The following TBC1D22A variants were observed in gnomAD, a reference collection of about 807,000 sequenced individuals.
The protein encoded by TBC1D22A is TBC1 domain family member 22A.
TBC1D22A carries 38 observed loss-of-function variants against 60.2 expected under a neutral mutation model. The ratio of observed to expected loss-of-function variants is 0.63; its 90% CI spans 0.49 to 0.83. TBC1D22A has a LOEUF of 0.83. TBC1D22A is among the 40% of genes least tolerant of loss of function. The pLI, the probability that TBC1D22A is intolerant of heterozygous loss-of-function variation, is 0.00. For missense variants in TBC1D22A, 628 were observed against 701.0 expected, an observed-to-expected ratio of 0.90 and a Z score of 1.18; for synonymous variants, 302 against 281.7, an observed-to-expected ratio of 1.07 and a Z score of -0.72.
intron 11 of TBC1D22A, among the ~76,000 whole-genome samples, chr22:47,094,353 G>A (rs905836238): frequency 1.3e-5 from 2 of 152,216 alleles, no homozygotes; most frequent in Admixed American, 6.5e-5. Context: ...TGCATAAAGC[G>A]AAGGGTGACC....
intron 12 of TBC1D22A, among the ~76,000 whole-genome samples, chr22:47,130,284 A>G (rs1444531958): frequency 6.6e-6 from 1 of 152,086 alleles, no homozygotes; most frequent in Non-Finnish European, 1.5e-5. Context: ...TCTGGGACCC[A>G]TCCCTTCTAG....
At position 47,133,752 on chromosome 22, in the gene TBC1D22A, C is replaced by A. The variant is rs138154399; in HGVS notation, c.1425+22149C>A. Among the ~76,000 whole-genome samples the A allele has an allele frequency of 1.4e-4, 21 of 152,288 alleles. No individual in the cohort carries two copies. The East Asian group carries it at 3.1e-3, about 22-fold the overall frequency. On this transcript the variant is annotated intron_variant, in intron 12 of 12. Coordinates refer to ENST00000337137, the MANE Select transcript of TBC1D22A (RefSeq NM_014346.5). ...TTTGGCGGTGACACTTGTGGTGTGG[C>A]CCTGTGCCTGCGCGAGGCAGCTTTG...
intron 12 of TBC1D22A, among the ~76,000 whole-genome samples, chr22:47,121,671 A>G (rs1161046455): frequency 2.6e-5 from 4 of 152,158 alleles, no homozygotes; most frequent in Non-Finnish European, 5.9e-5. Flanking sequence ...CTTAGTTTTC[A>G]TTAGTAGAGT....
chr22:46,838,662 C>T (rs1288401875), intron 4 of TBC1D22A, among the ~76,000 whole-genome samples: 1 of 152,164 alleles, frequency 6.6e-6, no homozygotes, highest in Non-Finnish European at 1.5e-5. Flanking sequence ...AAGCTCTCAT[C>T]AAAATACTAG....
chr22:46,833,746 G>A (rs2086405173), intron 4 of TBC1D22A, among the ~76,000 whole-genome samples: 1 of 152,216 alleles, frequency 6.6e-6, no homozygotes, highest in African/African-American at 2.4e-5. Flanking sequence ...GAGTAAAGTT[G>A]TGAAGGTGGT....
chr22:47,091,314 GC>G (rs1603257912), intron 11 of TBC1D22A, among the ~76,000 whole-genome samples: 49 of 100,156 alleles, frequency 4.9e-4, no homozygotes, highest in African/African-American at 6.6e-4. Flanking sequence ...TTGGGTGGCT[GC>G]GTGTTGATAG....
chr22:46,947,619 C>T (rs959253181), intron 8 of TBC1D22A, among the ~76,000 whole-genome samples: 1 of 152,170 alleles, frequency 6.6e-6, no homozygotes, highest in Non-Finnish European at 1.5e-5. Flanking sequence ...GTGTTGTGTT[C>T]GTCTGTGTTG....
At chr22:46,955,366 G>A (rs1443831191) in intron 8 of TBC1D22A, among the ~76,000 whole-genome samples, 3 of 152,160 alleles carry the variant, frequency 2.0e-5, no homozygotes, top group Non-Finnish European at 4.4e-5. Flanking sequence ...CAGAATTTTA[G>A]CAGTCTTTCA....
In TBC1D22A at chr22:47,009,165, A is replaced by C. The variant is rs11703362; in HGVS notation, c.1201+11456A>C. The stretch of plus-strand genomic sequence containing the variant: ...CTTGTTTCCCCATGCATGACGGGTC[A>C]TGGGAGTAAAGTACTTACAGGAGTG... On this transcript the variant is annotated intron_variant, in intron 10 of 12. Transcript: ENST00000337137. This position sits in a 1 kb window ranked among gnomAD's most constrained non-coding sequence, Gnocchi z 5.8. Among the ~76,000 whole-genome samples, 36,593 of 151,986 alleles carry C rather than the reference A, an allele frequency of 0.24. 4,714 individuals carry two copies. Among genetic ancestry groups the C allele is most frequent in the East Asian group, 0.3 (1,527 of 5,172 alleles).
At chr22:47,037,407 A>T (rs966434637) in intron 11 of TBC1D22A, among the ~76,000 whole-genome samples, 1 of 152,096 alleles carries the variant, frequency 6.6e-6, no homozygotes, top group Non-Finnish European at 1.5e-5. Context: ...AGGTGGGTGG[A>T]TTGCCTGAGC....
At chr22:47,063,874 A>G (rs2063668578) in intron 11 of TBC1D22A, among the ~76,000 whole-genome samples, 1 of 152,024 alleles carries the variant, frequency 6.6e-6, no homozygotes, top group African/African-American at 2.4e-5. Flanking sequence ...GCCTTCTCCC[A>G]TTGTGTGGCT....
intron 12 of TBC1D22A, among the ~76,000 whole-genome samples, chr22:47,160,941 G>A (rs1008102581): frequency 8.8e-5 from 11 of 124,776 alleles, no homozygotes; most frequent in South Asian, 7.2e-4. Flanking sequence ...CTGCGGTTTA[G>A]GAGGGACCCC....
At chr22:46,798,990 A>G (rs1251127938) in intron 4 of TBC1D22A, among the ~76,000 whole-genome samples, 3 of 151,696 alleles carry the variant, frequency 2.0e-5, no homozygotes. Flanking sequence ...AGAAGGACAC[A>G]GCTCTGAGTA....
intron 8 of TBC1D22A, among the ~76,000 whole-genome samples, chr22:46,966,998 T>C (rs547905016): frequency 1.3e-5 from 2 of 152,234 alleles, no homozygotes; most frequent in South Asian, 4.2e-4. Flanking sequence ...CCACCTCGTC[T>C]AGCCATGCTG....
intron 8 of TBC1D22A, chr22:46,914,074 G>A (rs1333529750): frequency 6.6e-6 from 1 of 152,276 alleles, no homozygotes; most frequent in African/African-American, 2.4e-5. Flanking sequence ...TGGGTATACG[G>A]TGTCACTTTT....
chr22:46,996,433 C>T (rs945596355), intron 9 of TBC1D22A, among the ~76,000 whole-genome samples: 1 of 152,238 alleles, frequency 6.6e-6, no homozygotes, highest in African/African-American at 2.4e-5. Context: ...GCACAGTGCC[C>T]GTTGTTTCGC....
At position 47,146,092 on chromosome 22, in the gene TBC1D22A, C is replaced by A. The variant is rs114681889; in HGVS notation, c.1426-27406C>A. Reference sequence around the variant, plus strand: ...TGCTGTTCCTTAAAGCAGGGGTTGACTGGGGGCCGCGGCGCGGGGATGTGC... The same window carrying A: ...TGCTGTTCCTTAAAGCAGGGGTTGAATGGGGGCCGCGGCGCGGGGATGTGC... On this transcript the variant is annotated intron_variant, in intron 12 of 12. Coordinates refer to ENST00000337137, the MANE Select transcript of TBC1D22A (RefSeq NM_014346.5). Among the ~76,000 whole-genome samples the A allele has an allele frequency of 8.7e-3, 1,275 of 146,896 alleles. 32 individuals are homozygous for A. Among genetic ancestry groups the A allele is most frequent in the African/African-American group, 0.023 (905 of 38,752 alleles).
chr22:46,962,087 G>T (rs1030353041), intron 8 of TBC1D22A, among the ~76,000 whole-genome samples: 1 of 152,216 alleles, frequency 6.6e-6, no homozygotes, highest in African/African-American at 2.4e-5. Flanking sequence ...GGTCCTGGGG[G>T]GAGTGTGCTG....
chr22:46,823,707 T>C (rs9627578), intron 4 of TBC1D22A, among the ~76,000 whole-genome samples: 1,552 of 152,374 alleles, frequency 0.01, 23 homozygotes, highest in African/African-American at 0.035. Context: ...TTGAGTTTTC[T>C]TCTCATGGTC....
Sources: allele counts gnomAD v4.1 joint callset (sites outside exome capture counted in the v4.1 genomes callset), GRCh38; gene constraint gnomAD v4.1.1; non-coding constraint Gnocchi (gnomAD v3.1); transcripts MANE v1.5; gene names NCBI Gene and HGNC (gene_info 2026-07-23, HGNC 2026-07-21).